The following AGMO variants were observed in gnomAD, a reference collection of about 807,000 sequenced individuals.
AGMO encodes alkylglycerol monooxygenase.
In AGMO, 75 loss-of-function variants were observed where a neutral mutation model predicts 60.2. The observed-to-expected ratio is 1.25, with a 90% CI of 1.03 to 1.51. The LOEUF is 1.51. Ranked by LOEUF, AGMO falls within the 40% of genes most tolerant of loss-of-function variation. The pLI, the probability that AGMO is intolerant of heterozygous loss-of-function variation, is 0.00. For synonymous variants in AGMO, 261 were observed against 177.1 expected, an observed-to-expected ratio of 1.47 and a Z score of -3.76; for missense variants, 763 against 525.5, an observed-to-expected ratio of 1.45 and a Z score of -4.42.
At chr7:15,130,805 ATG>A in the AGMO span, among the ~76,000 whole-genome samples, 2 of 152,168 alleles carry the variant, frequency 1.3e-5, no homozygotes, top group East Asian at 3.9e-4. Flanking sequence ...TCTGGCATTT[ATG>A]TGTGTGCTAT....
At chr7:15,170,976 G>GT in the AGMO span, among the ~76,000 whole-genome samples, 559 of 151,940 alleles carry the variant, frequency 3.7e-3, 2 homozygotes, top group African/African-American at 9.3e-3. Flanking sequence ...TTTTGTTGTT[G>GT]TTTTTTGTAT....
intron 3 of AGMO, among the ~76,000 whole-genome samples, chr7:15,513,331 AT>A (rs1458933428): frequency 2.0e-4 from 31 of 152,074 alleles, no homozygotes; most frequent in Admixed American, 2.0e-3. Flanking sequence ...GGCATTGTGG[AT>A]TTTGACTATA....
intron 12 of AGMO, among the ~76,000 whole-genome samples, chr7:15,318,453 T>A (rs2128536715): frequency 6.6e-6 from 1 of 152,284 alleles, no homozygotes; most frequent in South Asian, 2.1e-4. Context: ...AATGGATCAG[T>A]TTAAAGATAA....
intron 5 of AGMO, among the ~76,000 whole-genome samples, chr7:15,398,248 G>A (rs1562487501): frequency 6.6e-6 from 1 of 152,164 alleles, no homozygotes. Context: ...GCATGCAGAT[G>A]ATTGGAGCCT....
chr7:15,541,205 C>T (rs1243522675), intron 3 of AGMO, among the ~76,000 whole-genome samples: 1 of 152,164 alleles, frequency 6.6e-6, no homozygotes, highest in Non-Finnish European at 1.5e-5. Context: ...TCACTGCAAC[C>T]TCCGGCTCCC....
intron 3 of AGMO, among the ~76,000 whole-genome samples, chr7:15,447,252 C>T (rs577892278): frequency 8.3e-4 from 126 of 152,200 alleles, no homozygotes; most frequent in Non-Finnish European, 1.4e-3. Context: ...TTTTCCCAGA[C>T]GTAAGAGTTT....
At chr7:15,330,382 C>G (rs972574049) in intron 12 of AGMO, among the ~76,000 whole-genome samples, 6 of 152,134 alleles carry the variant, frequency 3.9e-5, no homozygotes, top group African/African-American at 1.2e-4. Context: ...AAATTAAATT[C>G]TTAACTTTAT....
chr7:15,143,843 T>C, the AGMO span, among the ~76,000 whole-genome samples: 4 of 152,162 alleles, frequency 2.6e-5, no homozygotes, highest in African/African-American at 9.7e-5. Context: ...CGTGAACAAT[T>C]CTATTCCAGT....
chr7:15,424,147 C>G (rs948642900), intron 4 of AGMO, among the ~76,000 whole-genome samples: 1 of 152,092 alleles, frequency 6.6e-6, no homozygotes, highest in African/African-American at 2.4e-5. Context: ...TGACCCATAG[C>G]GGTTCTCAGT....
the AGMO span, among the ~76,000 whole-genome samples, chr7:15,166,531 G>A: frequency 2.6e-5 from 4 of 152,232 alleles, no homozygotes; most frequent in African/African-American, 7.2e-5. Flanking sequence ...TGAGCTGTTT[G>A]TAGGTTTTAA....
intron 5 of AGMO, among the ~76,000 whole-genome samples, chr7:15,418,037 T>C (rs1249351664): frequency 6.6e-6 from 1 of 152,102 alleles, no homozygotes; most frequent in African/African-American, 2.4e-5. Context: ...TTACATTTCT[T>C]CAGGTTTTTT....
At chr7:15,339,163 TGGGAGAAAGA>T (rs1464913584) in intron 12 of AGMO, among the ~76,000 whole-genome samples, 1 of 152,120 alleles carries the variant, frequency 6.6e-6, no homozygotes, top group Non-Finnish European at 1.5e-5. Context: ...ACAAGAGAGA[TGGGAGAAAGA>T]GGGAGAAGTA....
intron 12 of AGMO, among the ~76,000 whole-genome samples, chr7:15,343,923 C>T (rs1019169810): frequency 2.0e-5 from 3 of 152,064 alleles, no homozygotes; most frequent in Admixed American, 1.3e-4. Flanking sequence ...CTCATGTACA[C>T]AAGGAAAATG....
At chr7:15,268,835 T>TA (rs1346639468) in intron 12 of AGMO, among the ~76,000 whole-genome samples, 5 of 146,498 alleles carry the variant, frequency 3.4e-5, no homozygotes, top group African/African-American at 1.4e-4. Flanking sequence ...TTTGACTTGT[T>TA]AGATTATTTT....
rs1207135519 is a variant in AGMO, at chr7:15,205,178, C to A, written c.1264-3819G>T. On this transcript the variant is annotated intron_variant, in intron 12 of 12. Coordinates refer to ENST00000342526, the MANE Select transcript of AGMO (RefSeq NM_001004320.2). ...ATATCTGTCTCTTCTGGTTTTAATA[C>A]ACTTACTATATTTATCAATAAGCAA... Among the ~76,000 whole-genome samples, 6 of 152,240 alleles carry A rather than the reference C, an allele frequency of 3.9e-5. No homozygotes were observed. The East Asian group carries it at 1.2e-3, about 29-fold the overall frequency.
chr7:15,411,693 C>A (rs892093732), intron 5 of AGMO, among the ~76,000 whole-genome samples: 1 of 151,838 alleles, frequency 6.6e-6, no homozygotes, highest in Non-Finnish European at 1.5e-5. Flanking sequence ...AATTCCAATA[C>A]ATTTCCTATC....
chr7:15,357,577 G>A (rs1289497576), intron 12 of AGMO, among the ~76,000 whole-genome samples: 1 of 152,172 alleles, frequency 6.6e-6, no homozygotes, highest in Non-Finnish European at 1.5e-5. Flanking sequence ...GAATGTAGCA[G>A]AAATATATAG....
chr7:15,462,859 T>G (rs2128509238), intron 3 of AGMO, among the ~76,000 whole-genome samples: 1 of 152,286 alleles, frequency 6.6e-6, no homozygotes, highest in South Asian at 2.1e-4. Context: ...CACTCATGTC[T>G]GCCCTAAAAG....
Position 15,405,748 on chromosome 7 carries a change from A to G in AGMO, c.610-11569T>C, listed in dbSNP as rs1784667898. ...TTAACAGATTTGGAAGCAAGGTCAG[A>G]GAGTCTAAGTAAGTTTAGCAAATAG... On this transcript the variant is annotated intron_variant, in intron 5 of 12. Transcript: ENST00000342526. Among the ~76,000 whole-genome samples, 3 of 151,928 alleles carry G rather than the reference A, an allele frequency of 2.0e-5. No individual in the cohort carries two copies. In the South Asian group the frequency reaches 6.2e-4, roughly 31 times the overall value.
Sources: gnomAD v4.1 joint callset for allele counts (sites outside exome capture counted in the v4.1 genomes callset) on GRCh38, gnomAD v4.1.1 for gene constraint, MANE v1.5 for transcripts, NCBI Gene and HGNC (gene_info 2026-07-23, HGNC 2026-07-21) for gene names.